LARGE1: variants seen among roughly 807,000 people sequenced by gnomAD.
The protein encoded by LARGE1 is LARGE xylosyl- and glucuronyltransferase 1.
A neutral mutation model predicts 87.6 loss-of-function variants in LARGE1; 43 were observed. The ratio of observed to expected loss-of-function variants is 0.49; its 90% CI spans 0.38 to 0.63. The LOEUF is 0.63. LARGE1 is among the 30% of genes least tolerant of loss of function. The pLI is 0.00. For synonymous variants in LARGE1, 434 were observed against 394.6 expected (o/e 1.10, Z -1.18); for missense variants, 802 against 1,000.2 (o/e 0.80, Z 2.67).
intron 6 of LARGE1, among the ~76,000 whole-genome samples, chr22:33,465,222 T>C (rs2068557716): frequency 6.6e-6 from 1 of 152,206 alleles, no homozygotes; most frequent in African/African-American, 2.4e-5. Context: ...ATAGAATGCT[T>C]CCACTGTATA....
At chr22:33,148,347 A>G in the LARGE1 span, among the ~76,000 whole-genome samples, 1 of 152,238 alleles carries the variant, frequency 6.6e-6, no homozygotes, top group Non-Finnish European at 1.5e-5. Context: ...ATCTATTACT[A>G]TTGGATTTTT....
intron 2 of LARGE1, among the ~76,000 whole-genome samples, chr22:33,756,975 G>C (rs1288022578): frequency 6.6e-6 from 1 of 152,180 alleles, no homozygotes; most frequent in Non-Finnish European, 1.5e-5. Flanking sequence ...GTAGAGCTGG[G>C]AATGCTGACT....
intron 6 of LARGE1, among the ~76,000 whole-genome samples, chr22:33,484,914 T>G (rs2069502065): frequency 6.7e-6 from 1 of 149,474 alleles, no homozygotes; most frequent in Non-Finnish European, 1.5e-5. Context: ...TGAGGTGGTT[T>G]TTTTTTTTTT....
chr22:33,122,742 T>A, the LARGE1 span, among the ~76,000 whole-genome samples: 1 of 152,234 alleles, frequency 6.6e-6, no homozygotes, highest in African/African-American at 2.4e-5. Context: ...ATGGCCAATT[T>A]AACAAACTCC....
chr22:33,787,899 A>C (rs895459859), intron 1 of LARGE1, among the ~76,000 whole-genome samples: 1 of 152,182 alleles, frequency 6.6e-6, no homozygotes, highest in African/African-American at 2.4e-5. Flanking sequence ...AATGACATAA[A>C]CTTCTTAATA....
chr22:33,765,057 T>C (rs1355893793), intron 1 of LARGE1, among the ~76,000 whole-genome samples: 7 of 152,240 alleles, frequency 4.6e-5, no homozygotes, highest in Non-Finnish European at 1.0e-4. Flanking sequence ...GTAGCACTTA[T>C]ATGTCAAGCA....
At chr22:33,599,845 C>T (rs957764285) in intron 5 of LARGE1, among the ~76,000 whole-genome samples, 3 of 152,160 alleles carry the variant, frequency 2.0e-5, no homozygotes, top group Non-Finnish European at 4.4e-5. Context: ...TGGAACACGG[C>T]GCAAGTCCAT....
chr22:33,893,615 C>T (rs558160619), intron 1 of LARGE1, among the ~76,000 whole-genome samples: 19 of 152,276 alleles, frequency 1.2e-4, no homozygotes, highest in African/African-American at 3.1e-4. Flanking sequence ...TTTCACCTCC[C>T]GAAGTGACCT....
intron 9 of LARGE1, among the ~76,000 whole-genome samples, chr22:33,364,154 A>C (rs1216349464): frequency 6.6e-6 from 1 of 151,900 alleles, no homozygotes; most frequent in Non-Finnish European, 1.5e-5. Flanking sequence ...CCCCGGGTTC[A>C]CGCCATTCTC....
intron 6 of LARGE1, among the ~76,000 whole-genome samples, chr22:33,531,536 G>A (rs1388483600): frequency 6.6e-6 from 1 of 152,188 alleles, no homozygotes; most frequent in Non-Finnish European, 1.5e-5. Flanking sequence ...ACTTCCTTTT[G>A]AGAAGCCTAA....
At chr22:33,469,427 AG>A (rs148800505) in intron 6 of LARGE1, among the ~76,000 whole-genome samples, 4,704 of 152,316 alleles carry the variant, frequency 0.031, 185 homozygotes, top group African/African-American at 0.089. Flanking sequence ...ACACTAACGC[AG>A]GAACACAAAA....
At chr22:33,571,133 G>A (rs964659265) in intron 5 of LARGE1, among the ~76,000 whole-genome samples, 2 of 152,176 alleles carry the variant, frequency 1.3e-5, no homozygotes, top group African/African-American at 2.4e-5. Context: ...AAGCAGCATG[G>A]TCTAAACTTC....
chr22:33,075,942 A>G, the LARGE1 span, among the ~76,000 whole-genome samples: 1 of 152,216 alleles, frequency 6.6e-6, no homozygotes, highest in Non-Finnish European at 1.5e-5. Context: ...TAACACGTTT[A>G]CTGCGAGTGA....
chr22:33,771,476 C>T (rs553087780), intron 1 of LARGE1, among the ~76,000 whole-genome samples: 1 of 152,300 alleles, frequency 6.6e-6, no homozygotes, highest in South Asian at 2.1e-4. Context: ...CTAGTAAACT[C>T]ACTTCTCCAA....
intron 12 of LARGE1, among the ~76,000 whole-genome samples, chr22:33,300,323 C>G (rs1933971722): frequency 6.6e-6 from 1 of 152,202 alleles, no homozygotes; most frequent in African/African-American, 2.4e-5. Context: ...GGCAGGGTTT[C>G]TGGCACATGG....
rs150217811 is a variant in LARGE1 at position 33,352,835 on chromosome 22, T to C, written c.1132-15034A>G. 2.4e-4 allele frequency among the ~76,000 whole-genome samples: 37 copies of C among 152,314 alleles called. No individual in the cohort carries two copies. The East Asian group carries it at 2.7e-3, about 11-fold the overall frequency. On this transcript the variant is annotated intron_variant, in intron 9 of 14. Transcript: ENST00000397394. ...GAATGACAGATATATACAAACTCTT[T>C]ATGCTACCTTTTAAACTTTTAAGTC...
intron 6 of LARGE1, among the ~76,000 whole-genome samples, chr22:33,522,727 A>AG (rs2071672827): frequency 1.3e-5 from 2 of 151,794 alleles, no homozygotes; most frequent in African/African-American, 4.8e-5. Context: ...GCTACTTGGG[A>AG]GGCTGAGGCA....
chr22:33,148,128 T>C, the LARGE1 span, among the ~76,000 whole-genome samples: 1 of 152,220 alleles, frequency 6.6e-6, no homozygotes, highest in Non-Finnish European at 1.5e-5. Flanking sequence ...TGCCATGTGA[T>C]GTCTTCTGCT....
chr22:33,712,407 G>A (rs1176372877), intron 2 of LARGE1, among the ~76,000 whole-genome samples: 1 of 152,116 alleles, frequency 6.6e-6, no homozygotes, highest in South Asian at 2.1e-4. Context: ...GGCTTCTAGA[G>A]GAGACCAGCA....
Sources: gnomAD v4.1 joint callset for allele counts (sites outside exome capture counted in the v4.1 genomes callset) on GRCh38, gnomAD v4.1.1 for gene constraint, MANE v1.5 for transcripts, NCBI Gene and HGNC (gene_info 2026-07-23, HGNC 2026-07-21) for gene names.